ADAMTSL1: variants seen among roughly 807,000 people sequenced by gnomAD.
The protein encoded by ADAMTSL1 is ADAMTS like 1, also known as ADAMTS-like protein 1.
ADAMTSL1 carries 126 observed loss-of-function variants against 201.8 expected under a neutral mutation model. The ratio of observed to expected loss-of-function variants is 0.62; its 90% CI spans 0.54 to 0.72. The LOEUF (loss-of-function observed/expected upper bound fraction) is 0.72, where lower values mean the gene tolerates loss of function less well. ADAMTSL1 is among the 30% of genes least tolerant of loss of function. ADAMTSL1 has a pLI of 0.00. For missense variants in ADAMTSL1, 2,679 were observed against 2,277.8 expected (o/e 1.18, Z -3.59); for synonymous variants, 1,121 against 903.4 (o/e 1.24, Z -4.32).
intron 4 of ADAMTSL1, 92 bp downstream of exon 4, chr9:18,574,358 A>G (rs913234249): frequency 8.9e-7 from 1 of 1,119,104 alleles, no homozygotes; most frequent in African/African-American, 1.5e-5. Context: ...TGAATCACTC[A>G]TCTTTACACT....
chr9:18,286,994 A>G (rs553574194), intron 2 of ADAMTSL1, among the ~76,000 whole-genome samples: 1 of 152,334 alleles, frequency 6.6e-6, no homozygotes, highest in African/African-American at 2.4e-5. Context: ...CAGCCAGGAT[A>G]GGCCAAGGGT....
chr9:18,305,118 C>A (rs561286131), intron 2 of ADAMTSL1, among the ~76,000 whole-genome samples: 1 of 152,306 alleles, frequency 6.6e-6, no homozygotes, highest in South Asian at 2.1e-4. Flanking sequence ...GGAACTCCCT[C>A]TCCTAGACAA....
chr9:18,374,632 C>T (rs535921559), intron 2 of ADAMTSL1, among the ~76,000 whole-genome samples: 106 of 152,268 alleles, frequency 7.0e-4, no homozygotes, highest in Non-Finnish European at 1.1e-3. Context: ...CCACGCTTGG[C>T]CTGACAGATT....
intron 2 of ADAMTSL1, among the ~76,000 whole-genome samples, chr9:18,424,470 T>C (rs1369197082): frequency 6.6e-6 from 1 of 152,154 alleles, no homozygotes; most frequent in Admixed American, 6.5e-5. Flanking sequence ...ATATATAACA[T>C]AATAAGTGCA....
intron 1 of ADAMTSL1, among the ~76,000 whole-genome samples, chr9:17,982,604 T>C (rs1194433280): frequency 6.6e-6 from 1 of 151,900 alleles, no homozygotes; most frequent in African/African-American, 2.4e-5. Context: ...AGAGCAAGAC[T>C]CCGTCTCAGG....
intron 2 of ADAMTSL1, among the ~76,000 whole-genome samples, chr9:18,166,461 A>G (rs1410172949): frequency 2.0e-5 from 3 of 151,926 alleles, no homozygotes; most frequent in Non-Finnish European, 1.5e-5. Context: ...TCTTAAAATG[A>G]TATGAATGAC....
intron 2 of ADAMTSL1, among the ~76,000 whole-genome samples, chr9:18,442,571 A>G (rs1353659655): frequency 6.6e-6 from 1 of 152,186 alleles, no homozygotes; most frequent in Non-Finnish European, 1.5e-5. Flanking sequence ...TCCTCAATTT[A>G]GTTGTATATT....
intron 6 of ADAMTSL1, among the ~76,000 whole-genome samples, chr9:18,636,696 T>C (rs879244535): frequency 2.0e-5 from 3 of 152,182 alleles, no homozygotes; most frequent in Admixed American, 2.0e-4. Flanking sequence ...TTTCTTATTA[T>C]TTAGTGTTGT....
chr9:18,080,885 CATT>C (rs1443360909), intron 1 of ADAMTSL1, among the ~76,000 whole-genome samples: 7 of 152,274 alleles, frequency 4.6e-5, no homozygotes, highest in African/African-American at 1.4e-4. Flanking sequence ...AAAAGCCTCT[CATT>C]ATTTTAATGT....
chr9:18,129,709 T>G (rs759821297), intron 1 of ADAMTSL1, among the ~76,000 whole-genome samples: 15 of 152,190 alleles, frequency 9.9e-5, no homozygotes, highest in Non-Finnish European at 1.8e-4. Context: ...TCCTTCATAT[T>G]AGAAGAGAAT....
intron 23 of ADAMTSL1, among the ~76,000 whole-genome samples, chr9:18,868,188 A>C (rs973592227): frequency 1.1e-4 from 17 of 152,196 alleles, no homozygotes; most frequent in African/African-American, 3.6e-4. Flanking sequence ...TATTACTTCC[A>C]CTTTCTTCCT....
chr9:17,955,575 A>G (rs1020227301), intron 1 of ADAMTSL1, among the ~76,000 whole-genome samples: 6 of 152,118 alleles, frequency 3.9e-5, no homozygotes, highest in Non-Finnish European at 8.8e-5. Flanking sequence ...AAATTACACC[A>G]CTTCTGAGTA....
chr9:18,331,092 G>A (rs1835009836), intron 2 of ADAMTSL1, among the ~76,000 whole-genome samples: 1 of 152,170 alleles, frequency 6.6e-6, no homozygotes, highest in African/African-American at 2.4e-5. Context: ...AGAAAAAGTG[G>A]ATCCAGGATA....
At chr9:18,600,284 C>G (rs1323302504) in intron 4 of ADAMTSL1, among the ~76,000 whole-genome samples, 1 of 152,144 alleles carries the variant, frequency 6.6e-6, no homozygotes, top group Non-Finnish European at 1.5e-5. Flanking sequence ...TAAGCTCTAA[C>G]CATGCCAGAC....
At chr9:18,571,039 T>C (rs1051654998) in intron 3 of ADAMTSL1, among the ~76,000 whole-genome samples, 1 of 152,222 alleles carries the variant, frequency 6.6e-6, no homozygotes, top group Non-Finnish European at 1.5e-5. Context: ...CTTAACATTT[T>C]AACTTCATTG....
intron 2 of ADAMTSL1, among the ~76,000 whole-genome samples, chr9:18,234,612 TG>T (rs1164536154): frequency 6.6e-6 from 1 of 152,216 alleles, no homozygotes; most frequent in African/African-American, 2.4e-5. Context: ...AATTAATTCT[TG>T]GTTCCCACCA....
intron 1 of ADAMTSL1, among the ~76,000 whole-genome samples, chr9:17,982,895 G>T (rs1449432639): frequency 6.6e-6 from 1 of 151,428 alleles, no homozygotes; most frequent in Admixed American, 6.6e-5. Flanking sequence ...TATTTTCTTA[G>T]AGCAGAGGTT....
chr9:17,993,770 T>C (rs1214203902), intron 1 of ADAMTSL1, among the ~76,000 whole-genome samples: 2 of 152,204 alleles, frequency 1.3e-5, no homozygotes, highest in East Asian at 3.9e-4. Context: ...CAAATTTTTG[T>C]TTGTTTTCTT....
At chr9:18,399,401 A>G (rs1274240472) in intron 2 of ADAMTSL1, among the ~76,000 whole-genome samples, 3 of 148,146 alleles carry the variant, frequency 2.0e-5, no homozygotes, top group African/African-American at 7.5e-5. Flanking sequence ...GTGCAGTAGC[A>G]TGATCTCGGC....
Sources: allele counts gnomAD v4.1 joint callset (sites outside exome capture counted in the v4.1 genomes callset), GRCh38; gene constraint gnomAD v4.1.1; transcripts MANE v1.5; gene names NCBI Gene and HGNC (gene_info 2026-07-23, HGNC 2026-07-21).